Variants in SCN3A observed in about 807,000 individuals in gnomAD.
The protein encoded by SCN3A is sodium voltage-gated channel alpha subunit 3, also known as sodium channel protein type 3 subunit alpha.
A neutral mutation model predicts 187.6 loss-of-function variants in SCN3A; 60 were observed. That is an observed-to-expected ratio of 0.32 (90% CI 0.26 to 0.40). The LOEUF (loss-of-function observed/expected upper bound fraction) is 0.40, where lower values mean the gene tolerates loss of function less well. SCN3A is among the 10% of genes least tolerant of loss of function. The pLI is 1.00. For synonymous variants in SCN3A, 788 were observed against 829.2 expected, an observed-to-expected ratio of 0.95 and a Z score of 0.85; for missense variants, 1,601 against 2,428.2, an observed-to-expected ratio of 0.66 and a Z score of 7.16.
rs773149573 is a variant in SCN3A, at chr2:165,113,067, C to A, written c.3670-9G>T. ...TATATATCTTCAAAGGCCTATGAATCAAAAATATTTTATTTTACTTAAATG... is the reference window on the plus strand; with the variant it reads ...TATATATCTTCAAAGGCCTATGAATAAAAAATATTTTATTTTACTTAAATG... On this transcript the variant is annotated splice_polypyrimidine_tract_variant and intron_variant, in intron 20 of 27. Coordinates refer to ENST00000283254, the MANE Select transcript of SCN3A (RefSeq NM_006922.4). The A allele has an allele frequency of 1.0e-5, 16 of 1,604,226 alleles. No individual in the cohort carries two copies. The highest frequency in any genetic ancestry group is 3.3e-4 in the Middle Eastern group (2 of 6,054).
chr2:165,109,563 C>G (rs540503220), intron 21 of SCN3A, among the ~76,000 whole-genome samples: 15 of 152,242 alleles, frequency 9.9e-5, no homozygotes, highest in South Asian at 2.1e-4. Context: ...GTTGAATCCT[C>G]TCTTTTCTTC....
chr2:165,168,438 C>G (rs977899276), intron 5 of SCN3A, among the ~76,000 whole-genome samples: 2 of 151,916 alleles, frequency 1.3e-5, no homozygotes, highest in Non-Finnish European at 2.9e-5. Flanking sequence ...TGTATTTTAT[C>G]TCAAATGATT....
intron 1 of SCN3A, among the ~76,000 whole-genome samples, chr2:165,190,728 T>C (rs899827129): frequency 6.6e-6 from 1 of 150,994 alleles, no homozygotes; most frequent in Non-Finnish European, 1.5e-5. Flanking sequence ...ATACTTCTTA[T>C]AAACCATTTT....
At chr2:165,169,204 A>C (rs1689964792) in intron 4 of SCN3A, among the ~76,000 whole-genome samples, 1 of 151,944 alleles carries the variant, frequency 6.6e-6, no homozygotes, top group Non-Finnish European at 1.5e-5. Flanking sequence ...CTGACTTATA[A>C]AACGTTAACG....
At chr2:165,179,885 A>C (rs933568135) in intron 2 of SCN3A, among the ~76,000 whole-genome samples, 1 of 152,112 alleles carries the variant, frequency 6.6e-6, no homozygotes, top group Non-Finnish European at 1.5e-5. Context: ...TTCTTACATA[A>C]TTTTATATTC....
chr2:165,197,926 T>C (rs2105989712), intron 1 of SCN3A, among the ~76,000 whole-genome samples: 1 of 152,112 alleles, frequency 6.6e-6, no homozygotes. Flanking sequence ...AATGTAGTTA[T>C]TATTGGCTAT....
chr2:165,115,396 A>T, intron 19 of SCN3A, 59 bp downstream of exon 19: 5 of 1,609,522 alleles, frequency 3.1e-6, no homozygotes, highest in Non-Finnish European at 4.3e-6. Flanking sequence ...AATGAGGCAT[A>T]TTCAGTCTCC....
At chr2:165,120,406 C>T (rs1686597033) in intron 18 of SCN3A, among the ~76,000 whole-genome samples, 1 of 151,640 alleles carries the variant, frequency 6.6e-6, no homozygotes, top group Admixed American at 6.6e-5. Flanking sequence ...GATTTTTATC[C>T]AATTAAATAA....
chr2:165,107,711 T>C (rs913354403), intron 21 of SCN3A, among the ~76,000 whole-genome samples: 2 of 152,202 alleles, frequency 1.3e-5, no homozygotes, highest in African/African-American at 2.4e-5. Context: ...AAAATATGGA[T>C]CAAAGAACCC....
rs749863085 is a variant in SCN3A, at chr2:165,095,562, C to G, written c.4380G>C (p.Leu1460=). 15 of 1,608,384 alleles carry G rather than the reference C, an allele frequency of 9.3e-6. No homozygotes were observed. The South Asian group carries it at 1.6e-4, about 18-fold the overall frequency. ...CTATGATGACACCAATGAATAGATTCAGAGTGAAGAATGACCCAAAGATGA... is the reference window on the plus strand; with the variant it reads ...CTATGATGACACCAATGAATAGATTGAGAGTGAAGAATGACCCAAAGATGA... ...IFIIFGSFFT[L]NLFIGVIIDN... The change falls in exon 25 of 28, where the codon CTG becomes CTC. Residue 1460 remains leucine, a synonymous_variant. Transcript: ENST00000283254.
At chr2:165,193,660 A>G (rs1406481455) in intron 1 of SCN3A, among the ~76,000 whole-genome samples, 1 of 152,136 alleles carries the variant, frequency 6.6e-6, no homozygotes, top group African/African-American at 2.4e-5. Flanking sequence ...TGTTTTCACA[A>G]CTGAGTGTTG....
intron 2 of SCN3A, among the ~76,000 whole-genome samples, chr2:165,177,371 G>A (rs905894597): frequency 8.5e-5 from 13 of 152,076 alleles, no homozygotes; most frequent in Non-Finnish European, 1.9e-4. Flanking sequence ...ATAAAATGAG[G>A]GTAGTAGGGA....
chr2:165,099,578 G>T (rs539653865), intron 22 of SCN3A, among the ~76,000 whole-genome samples: 2 of 152,138 alleles, frequency 1.3e-5, no homozygotes, highest in East Asian at 3.9e-4. Context: ...ATTAGCGGGC[G>T]TGGTGGCGGG....
At chr2:165,183,097 C>T (rs1690993845) in intron 2 of SCN3A, among the ~76,000 whole-genome samples, 1 of 151,918 alleles carries the variant, frequency 6.6e-6, no homozygotes, top group African/African-American at 2.4e-5. Context: ...ACTCACACAA[C>T]TACCAATTTT....
chr2:165,164,249 A>C, intron 6 of SCN3A, 143 bp downstream of exon 6: 1 of 1,023,826 alleles, frequency 9.8e-7, no homozygotes. Context: ...TATGTATTCT[A>C]ATATGTATTC....
intron 21 of SCN3A, among the ~76,000 whole-genome samples, chr2:165,111,330 C>A (rs898320207): frequency 6.6e-6 from 1 of 151,936 alleles, no homozygotes; most frequent in African/African-American, 2.4e-5. Flanking sequence ...AGCGAAACTC[C>A]GTCTCAAAAA....
chr2:165,131,968 A>G (rs1041362718), intron 15 of SCN3A, among the ~76,000 whole-genome samples: 15 of 152,088 alleles, frequency 9.9e-5, no homozygotes, highest in Non-Finnish European at 2.2e-4. Flanking sequence ...TCCATGGTGT[A>G]TATGTGCCAC....
chr2:165,094,792 T>C (rs1357601838), intron 25 of SCN3A, among the ~76,000 whole-genome samples: 3 of 152,192 alleles, frequency 2.0e-5, no homozygotes, highest in Non-Finnish European at 4.4e-5. Context: ...GCCGATAATT[T>C]TACTTCTTCA....
chr2:165,089,276 G>T lies in SCN3A; in HGVS notation c.*874C>A, dbSNP rs1684969244. ...TTAATTGACATAGACTATCAGCTTT[G>T]CTGAGAGCAGAAGATGGCAAAGCAA... On this transcript the variant is annotated 3_prime_UTR_variant, in exon 28 of 28. Coordinates refer to ENST00000283254, the MANE Select transcript of SCN3A (RefSeq NM_006922.4). 1 of 152,574 alleles carries T rather than the reference G, an allele frequency of 6.6e-6. No individual in the cohort carries two copies. The highest frequency in any genetic ancestry group is 2.4e-5 in the African/African-American group (1 of 41,434). 9.5% of individuals were successfully genotyped at this position (152,574 alleles called of 1,614,324 possible).
Sources: allele counts gnomAD v4.1 joint callset (sites outside exome capture counted in the v4.1 genomes callset), GRCh38; gene constraint gnomAD v4.1.1; transcripts MANE v1.5; gene names NCBI Gene and HGNC (gene_info 2026-07-23, HGNC 2026-07-21).